SMG6: variants seen among roughly 807,000 people sequenced by gnomAD.
The protein encoded by SMG6 is telomerase-binding protein EST1A.
SMG6 carries 66 observed loss-of-function variants against 142.2 expected under a neutral mutation model. The observed-to-expected ratio is 0.46, with a 90% confidence interval of 0.38 to 0.57. The LOEUF (loss-of-function observed/expected upper bound fraction) is 0.57. SMG6 is among the 20% of genes least tolerant of loss of function. The probability of loss-of-function intolerance (pLI) is 0.00; values close to 1 mark genes in which losing one functional copy is unlikely to be tolerated. For synonymous variants in SMG6, 779 were observed against 702.4 expected (o/e 1.11, Z -1.72); for missense variants, 1,793 against 1,832.0 (o/e 0.98, Z 0.39).
rs557610095 is a variant in SMG6 at position 2,085,238 on chromosome 17, C to T, written c.3534+487G>A. On this transcript the variant is annotated intron_variant, in intron 14 of 18. Transcript: ENST00000263073. The surrounding 1 kb of genome is among the most constrained non-coding windows in gnomAD (Gnocchi z 4.1). ...GGGCAAACAAACAAGAGGAGAATTC[C>T]TTAATCACATCAGGATGTGCAGGAG... 7.1e-5 allele frequency among the ~76,000 whole-genome samples: 10 copies of T among 140,026 alleles called. No homozygotes were observed. The South Asian group carries it at 2.3e-3, about 32-fold the overall frequency. The allele number at this position is 140,026 out of a possible 152,430, so 91.9% of individuals were successfully genotyped here.
chr17:2,200,089 T>G (rs2072469531), intron 10 of SMG6: 1 of 151,758 alleles, frequency 6.6e-6, no homozygotes, highest in Non-Finnish European at 1.5e-5. Flanking sequence ...ACCCAGCTAC[T>G]TTTTGTATTT....
At chr17:2,097,586 T>C (rs989684872) in intron 13 of SMG6, among the ~76,000 whole-genome samples, 4 of 152,218 alleles carry the variant, frequency 2.6e-5, no homozygotes, top group African/African-American at 7.2e-5. Flanking sequence ...TTTACACCTT[T>C]TAAACCCAGA....
At chr17:2,238,680 A>T (rs546833305) in intron 9 of SMG6, among the ~76,000 whole-genome samples, 1 of 152,332 alleles carries the variant, frequency 6.6e-6, no homozygotes, top group East Asian at 1.9e-4. Flanking sequence ...CACGTGGGAC[A>T]GTTTTGCTTC....
In SMG6 at chr17:2,188,474, C is replaced by T. The variant is rs1217218213; in HGVS notation, c.2911G>A (p.Ala971Thr). Residue 971 changes from alanine to threonine, a missense_variant, in exon 11 of 19, where the codon GCC becomes ACC. Physicochemically the swap from Ala to Thr is moderately conservative, Grantham distance 58. Coordinates refer to ENST00000263073, the MANE Select transcript of SMG6 (RefSeq NM_017575.5). The part of the protein sequence containing the change: ...EECRSVIQEQ[A>T]AALGLAMFSL... Reference sequence around the variant, plus strand: ...AACATGGCCAAGCCCAGAGCTGCGGCTTGTTCCTGGATCACAGAGCGGCAC... The same window carrying T: ...AACATGGCCAAGCCCAGAGCTGCGGTTTGTTCCTGGATCACAGAGCGGCAC... 2.5e-6 allele frequency: 4 copies of T among 1,614,044 alleles called. No individual in the cohort carries two copies. In the African/African-American group the frequency reaches 4.0e-5, roughly 16 times the overall value.
At chr17:2,079,622 A>C (rs2068356218) in intron 15 of SMG6, among the ~76,000 whole-genome samples, 1 of 151,968 alleles carries the variant, frequency 6.6e-6, no homozygotes, top group Non-Finnish European at 1.5e-5. Flanking sequence ...AAAAAAAAAA[A>C]AGTAAAAGAA....
At chr17:2,098,661 G>A (rs1187646182) in intron 13 of SMG6, among the ~76,000 whole-genome samples, 3 of 151,884 alleles carry the variant, frequency 2.0e-5, no homozygotes, top group Admixed American at 1.3e-4. Flanking sequence ...AGACAGTCTC[G>A]GTCTTGTTGC....
chr17:2,230,079 G>A (rs1170921972), intron 10 of SMG6, among the ~76,000 whole-genome samples: 3 of 150,010 alleles, frequency 2.0e-5, no homozygotes, highest in East Asian at 1.9e-4. Flanking sequence ...CCAGCTACTC[G>A]GGAGGCTGAG....
intron 13 of SMG6, among the ~76,000 whole-genome samples, chr17:2,152,641 C>G (rs1339618994): frequency 6.6e-6 from 1 of 152,166 alleles, no homozygotes; most frequent in African/African-American, 2.4e-5. Context: ...ATTAAAATCA[C>G]AAGGTACCTA....
chr17:2,070,135 T>C (rs1017715051), intron 15 of SMG6, among the ~76,000 whole-genome samples: 3 of 152,218 alleles, frequency 2.0e-5, no homozygotes, highest in African/African-American at 7.2e-5. Flanking sequence ...CTTTCACATT[T>C]CTCAGGGAAG....
chr17:2,248,891 C>CT (rs145763145), intron 8 of SMG6, among the ~76,000 whole-genome samples: 41,625 of 146,676 alleles, frequency 0.28, 6,579 homozygotes, highest in Admixed American at 0.37. Context: ...CTTTGGAGAA[C>CT]TTTTTTTTTT....
chr17:2,174,016 G>A (rs142190437), intron 12 of SMG6, among the ~76,000 whole-genome samples: 90 of 152,228 alleles, frequency 5.9e-4, no homozygotes, highest in Non-Finnish European at 8.4e-4. Flanking sequence ...TCTAAAAGAA[G>A]AGAGATGCAT....
At chr17:2,077,436 T>G (rs2068291427) in intron 15 of SMG6, among the ~76,000 whole-genome samples, 2 of 151,992 alleles carry the variant, frequency 1.3e-5, no homozygotes, top group East Asian at 3.9e-4. Context: ...GAAGGAGGAA[T>G]AGAATTTCGA....
Position 2,303,760 on chromosome 17 carries a change from G to C in SMG6, c.-40C>G, listed in dbSNP as rs1567770437. 2.0e-6 allele frequency: 3 copies of C among 1,464,868 alleles called. No individual in the cohort carries two copies. The highest frequency in any genetic ancestry group is 9.0e-7 in the Non-Finnish European group (1 of 1,108,022). 90.7% of individuals were successfully genotyped at this position (1,464,868 alleles called of 1,614,324 possible). A position where few individuals can be genotyped will look rare whatever the true frequency, so the allele number is the denominator to read the frequency against. ...CTACAGCCGTAGCGGCTCCGCCACC[G>C]CCGCGCGCAGCCAGGAAACCACCAC... On this transcript the variant is annotated 5_prime_UTR_variant, in exon 1 of 19. Coordinates refer to ENST00000263073, the MANE Select transcript of SMG6 (RefSeq NM_017575.5).
At chr17:2,188,889 C>T (rs934212515) in intron 10 of SMG6, among the ~76,000 whole-genome samples, 8 of 152,192 alleles carry the variant, frequency 5.3e-5, no homozygotes, top group Non-Finnish European at 5.9e-5. Context: ...GTATAACTAA[C>T]AGGAGCACAG....
At chr17:2,223,759 A>T (rs2073242165) in intron 10 of SMG6, among the ~76,000 whole-genome samples, 1 of 152,184 alleles carries the variant, frequency 6.6e-6, no homozygotes, top group Admixed American at 6.5e-5. Flanking sequence ...ACCTCTTGGA[A>T]AAATGAAAAA....
chr17:2,231,507 C>A (rs567865699), intron 10 of SMG6, among the ~76,000 whole-genome samples: 1 of 152,240 alleles, frequency 6.6e-6, no homozygotes, highest in South Asian at 2.1e-4. Context: ...ACCAGCCTGG[C>A]CAACATGGTG....
At chr17:2,303,477 G>A in intron 1 of SMG6, 156 bp downstream of exon 1, 3 of 1,327,346 alleles carry the variant, frequency 2.3e-6, no homozygotes, top group East Asian at 3.1e-5. Flanking sequence ...CCGCGAGAGA[G>A]GTAGGGCAGC....
intron 10 of SMG6, among the ~76,000 whole-genome samples, chr17:2,219,018 C>T (rs147687376): frequency 9.9e-4 from 150 of 152,282 alleles, no homozygotes; most frequent in Non-Finnish European, 1.8e-3. Flanking sequence ...TTTAAAAGGA[C>T]AGGTTTTATT....
At chr17:2,239,837 T>C (rs2073757915) in intron 9 of SMG6, among the ~76,000 whole-genome samples, 1 of 152,232 alleles carries the variant, frequency 6.6e-6, no homozygotes, top group East Asian at 1.9e-4. Context: ...AAGTACAAAA[T>C]AAATATATCA....
Sources: gnomAD v4.1 joint callset for allele counts (sites outside exome capture counted in the v4.1 genomes callset) on GRCh38, gnomAD v4.1.1 for gene constraint, Gnocchi (gnomAD v3.1) non-coding constraint, MANE v1.5 for transcripts, NCBI Gene and HGNC (gene_info 2026-07-23, HGNC 2026-07-21) for gene names.